Variants in MEGF9 observed in about 807,000 individuals in gnomAD.
MEGF9 encodes the protein multiple EGF like domains 9.
Under a neutral mutation model 46.8 loss-of-function variants are expected in MEGF9, and 6 were observed. The observed-to-expected ratio is 0.13, with a 90% confidence interval of 0.07 to 0.25. The LOEUF (loss-of-function observed/expected upper bound fraction) is 0.25, where lower values mean the gene tolerates loss of function less well. Among genes scored for constraint, MEGF9 ranks in the 10% least tolerant of loss-of-function variants. MEGF9 has a pLI of 1.00. For synonymous variants in MEGF9, 302 were observed against 330.7 expected, an observed-to-expected ratio of 0.91 and a Z score of 0.94; for missense variants, 683 against 792.4, an observed-to-expected ratio of 0.86 and a Z score of 1.66.
At chr9:120,681,076 C>T (rs148418881) in intron 1 of MEGF9, among the ~76,000 whole-genome samples, 277 of 152,260 alleles carry the variant, frequency 1.8e-3, no homozygotes, top group African/African-American at 6.1e-3. Flanking sequence ...CTTTACCTTT[C>T]CCTCTGCTTT....
chr9:120,651,752 A>T (rs1409100664), intron 2 of MEGF9, among the ~76,000 whole-genome samples: 10 of 151,028 alleles, frequency 6.6e-5, no homozygotes, highest in African/African-American at 1.2e-4. Context: ...TCCCCGGTTC[A>T]AGCGATTCTC....
At chr9:120,676,291 A>G (rs1195389170) in intron 1 of MEGF9, among the ~76,000 whole-genome samples, 2 of 152,168 alleles carry the variant, frequency 1.3e-5, no homozygotes, top group African/African-American at 4.8e-5. Flanking sequence ...TTTCCCATCT[A>G]TGAGCACTAA....
intron 2 of MEGF9, among the ~76,000 whole-genome samples, chr9:120,638,688 A>G (rs2043589565): frequency 6.6e-6 from 1 of 152,244 alleles, no homozygotes; most frequent in African/African-American, 2.4e-5. Context: ...ATTTTTGCCA[A>G]TCTGGCACCT....
At chr9:120,677,804 T>C (rs191872912) in intron 1 of MEGF9, among the ~76,000 whole-genome samples, 3 of 152,238 alleles carry the variant, frequency 2.0e-5, no homozygotes, top group Non-Finnish European at 2.9e-5. Flanking sequence ...TCCATTAGTA[T>C]ACATTTTTCA....
At chr9:120,680,768 C>G (rs74723012) in intron 1 of MEGF9, among the ~76,000 whole-genome samples, 109 of 152,286 alleles carry the variant, frequency 7.2e-4, no homozygotes, top group Non-Finnish European at 1.4e-3. Context: ...GTCCTTCTCA[C>G]TCTTCCCCCC....
intron 1 of MEGF9, among the ~76,000 whole-genome samples, chr9:120,695,259 G>A (rs1017974001): frequency 2.0e-5 from 3 of 152,104 alleles, no homozygotes; most frequent in African/African-American, 7.2e-5. Flanking sequence ...AAAAGGTAAA[G>A]AGGAGTCAGT....
intron 1 of MEGF9, among the ~76,000 whole-genome samples, chr9:120,704,900 T>C (rs968999935): frequency 6.6e-6 from 1 of 152,224 alleles, no homozygotes; most frequent in Non-Finnish European, 1.5e-5. Flanking sequence ...TATACTGGTA[T>C]GCATCTCAAA....
chr9:120,666,970 T>C (rs887296554), intron 1 of MEGF9, among the ~76,000 whole-genome samples: 1 of 152,086 alleles, frequency 6.6e-6, no homozygotes, highest in African/African-American at 2.4e-5. Flanking sequence ...CAGGGGAATT[T>C]TGAGGGGGTA....
chr9:120,615,282 T>C (rs888389878), intron 3 of MEGF9, among the ~76,000 whole-genome samples: 1 of 145,812 alleles, frequency 6.9e-6, no homozygotes, highest in Non-Finnish European at 1.5e-5. Context: ...TAAGCGTGTG[T>C]GTGTGCATGT....
intron 2 of MEGF9, among the ~76,000 whole-genome samples, chr9:120,650,909 C>T (rs2043646670): frequency 6.6e-6 from 1 of 152,006 alleles, no homozygotes; most frequent in African/African-American, 2.4e-5. Flanking sequence ...GAAAGCCTTT[C>T]CTATTACACT....
intron 2 of MEGF9, among the ~76,000 whole-genome samples, chr9:120,647,561 C>T (rs1189604687): frequency 1.3e-5 from 2 of 151,914 alleles, no homozygotes; most frequent in Non-Finnish European, 2.9e-5. Context: ...TTCAAGTGTA[C>T]CATAAAGGCA....
chr9:120,611,430 T>G (rs1311585762), intron 4 of MEGF9, among the ~76,000 whole-genome samples: 1 of 152,136 alleles, frequency 6.6e-6, no homozygotes, highest in Non-Finnish European at 1.5e-5. Context: ...AATGAAGTAC[T>G]GAGACATGTT....
At chr9:120,661,650 G>A (rs1014796412) in intron 1 of MEGF9, among the ~76,000 whole-genome samples, 9 of 152,218 alleles carry the variant, frequency 5.9e-5, no homozygotes, top group African/African-American at 2.2e-4. Context: ...GCTTAGGAAA[G>A]GAACCAGCTT....
intron 2 of MEGF9, among the ~76,000 whole-genome samples, chr9:120,650,864 C>G (rs1429166725): frequency 6.6e-6 from 1 of 151,860 alleles, no homozygotes; most frequent in Non-Finnish European, 1.5e-5. Flanking sequence ...CTCTGCCACT[C>G]TAAATCATAA....
chr9:120,641,482 C>A (rs146790124), intron 2 of MEGF9, among the ~76,000 whole-genome samples: 3 of 152,206 alleles, frequency 2.0e-5, no homozygotes, highest in Non-Finnish European at 2.9e-5. Flanking sequence ...CAAAAAAAAC[C>A]CTTCTTTCTT....
chr9:120,637,790 C>CAAAAAAAA lies in MEGF9; in HGVS notation c.804-15043_804-15036dup, dbSNP rs34861368. ...AGGGCAACAGGGCAAGACTCTGTCT[C>CAAAAAAAA]AAAAAAAAAAAAAAAAAAAAAAAAA... On this transcript the variant is annotated intron_variant, in intron 2 of 5. Coordinates refer to ENST00000373930, the MANE Select transcript of MEGF9 (RefSeq NM_001080497.3). 6.5e-3 allele frequency among the ~76,000 whole-genome samples: 225 copies of CAAAAAAAA among 34,782 alleles called. 44 individuals carry two copies. Among genetic ancestry groups the CAAAAAAAA allele is most frequent in the African/African-American group, 0.025 (220 of 8,956 alleles). The allele number at this position is 34,782 out of a possible 152,430, so 22.8% of individuals were successfully genotyped here. A position where few individuals can be genotyped will look rare whatever the true frequency, so the allele number is the denominator to read the frequency against.
At chr9:120,612,862 G>T (rs138724019) in intron 3 of MEGF9, among the ~76,000 whole-genome samples, 1 of 147,336 alleles carries the variant, frequency 6.8e-6, no homozygotes, top group Non-Finnish European at 1.5e-5. Context: ...ATTAATAGAA[G>T]AATAGATAAA....
intron 3 of MEGF9, 110 bp from the exon 4 acceptor site, chr9:120,612,649 G>A: frequency 1.1e-6 from 1 of 939,454 alleles, no homozygotes; most frequent in Non-Finnish European, 1.6e-6. Flanking sequence ...AAAACTAATA[G>A]GGATTGGATA....
At chr9:120,646,968 A>G (rs965580983) in intron 2 of MEGF9, among the ~76,000 whole-genome samples, 1 of 152,138 alleles carries the variant, frequency 6.6e-6, no homozygotes, top group Non-Finnish European at 1.5e-5. Flanking sequence ...ATAAATAACA[A>G]AATTTTAAGA....
Sources: allele counts gnomAD v4.1 joint callset (sites outside exome capture counted in the v4.1 genomes callset), GRCh38; gene constraint gnomAD v4.1.1; transcripts MANE v1.5; gene names NCBI Gene and HGNC (gene_info 2026-07-23, HGNC 2026-07-21).